Variants in ACACA observed in about 807,000 individuals in gnomAD.
The protein encoded by ACACA is acetyl-CoA carboxylase 1.
In ACACA, 103 loss-of-function variants were observed where a neutral mutation model predicts 296.1. The ratio of observed to expected loss-of-function variants is 0.35; its 90% CI spans 0.30 to 0.41. The LOEUF (loss-of-function observed/expected upper bound fraction) is 0.41. Among genes scored for constraint, ACACA ranks in the 10% least tolerant of loss-of-function variants. The pLI is 1.00. For synonymous variants in ACACA, 953 were observed against 1,038.6 expected, an observed-to-expected ratio of 0.92 and a Z score of 1.58; for missense variants, 1,554 against 2,989.7, an observed-to-expected ratio of 0.52 and a Z score of 11.20.
chr17:37,222,520 AAACTGTCAGTCC>A (rs758515917), intron 28 of ACACA, among the ~76,000 whole-genome samples: 3 of 152,248 alleles, frequency 2.0e-5, no homozygotes, highest in African/African-American at 4.8e-5. Flanking sequence ...ATCTCTGCAA[AAACTGTCAGTCC>A]AACCTCACAC....
chr17:37,280,730 AACACACACACAC>A (rs71979048), intron 5 of ACACA, among the ~76,000 whole-genome samples: 6 of 146,374 alleles, frequency 4.1e-5, no homozygotes, highest in East Asian at 2.0e-4. Context: ...TTACATAGTT[AACACACACACAC>A]ACACACACAC....
At chr17:37,329,129 A>G (rs939043848) in intron 3 of ACACA, 15 of 395,882 alleles carry the variant, frequency 3.8e-5, no homozygotes, top group Middle Eastern at 6.3e-4. Flanking sequence ...GGAGAGCTCT[A>G]TTAACAGCCC....
intron 3 of ACACA, among the ~76,000 whole-genome samples, chr17:37,302,947 TTTTCA>T (rs2083700103): frequency 6.6e-6 from 1 of 152,178 alleles, no homozygotes; most frequent in Admixed American, 6.5e-5. Context: ...TTTAAGGACA[TTTTCA>T]TTTCATTATA....
chr17:37,130,531 C>A (rs1597910280), intron 45 of ACACA, among the ~76,000 whole-genome samples: 1 of 152,024 alleles, frequency 6.6e-6, no homozygotes, highest in African/African-American at 2.4e-5. Context: ...TGTAACAAAC[C>A]TGCACGTTGT....
intron 11 of ACACA, among the ~76,000 whole-genome samples, chr17:37,262,536 A>G (rs537155893): frequency 1.3e-5 from 2 of 152,286 alleles, no homozygotes; most frequent in Admixed American, 6.5e-5. Context: ...CAACTATTCA[A>G]TTCTACCATT....
chr17:37,202,702 T>TATAA (rs2078314323), intron 33 of ACACA, among the ~76,000 whole-genome samples: 1 of 21,346 alleles, frequency 4.7e-5, no homozygotes, highest in Non-Finnish European at 9.1e-5. Flanking sequence ...TATATATATA[T>TATAA]ATATATATAT....
intron 1 of ACACA, among the ~76,000 whole-genome samples, chr17:37,355,928 G>A (rs560575081): frequency 6.6e-6 from 1 of 152,024 alleles, no homozygotes; most frequent in African/African-American, 2.4e-5. Flanking sequence ...CAACACTTTG[G>A]GAAGATGAGG....
chr17:37,336,420 G>T (rs1225194170), intron 2 of ACACA, among the ~76,000 whole-genome samples: 2 of 152,206 alleles, frequency 1.3e-5, no homozygotes, highest in African/African-American at 4.8e-5. Context: ...CTGGGAAGGT[G>T]ACCGCTTCCA....
Position 37,207,516 on chromosome 17 carries a change from G to A in ACACA, c.3851+141C>T, listed in dbSNP as rs1030234905. 1.6e-5 allele frequency: 15 copies of A among 963,158 alleles called. No individual in the cohort carries two copies. In the East Asian group the frequency reaches 2.6e-4, roughly 17 times the overall value. 59.7% of individuals were successfully genotyped at this position (963,158 alleles called of 1,614,324 possible). ...ATGCAAGGATATATACCTCTCCAAC[G>A]GCATATACAGCAAGGGTTACATCTT... On this transcript the variant is annotated intron_variant, in intron 31 of 55. Transcript: ENST00000616317.
chr17:37,297,550 C>CACT (rs1555634433), intron 3 of ACACA, among the ~76,000 whole-genome samples: 3 of 147,504 alleles, frequency 2.0e-5, no homozygotes, highest in African/African-American at 7.6e-5. Context: ...TATATATACA[C>CACT]TTTTTTTTTG....
At chr17:37,315,529 T>C (rs922352195) in intron 3 of ACACA, among the ~76,000 whole-genome samples, 2 of 152,198 alleles carry the variant, frequency 1.3e-5, no homozygotes, top group South Asian at 2.1e-4. Context: ...CAGATACCAG[T>C]TGCAAATCCC....
chr17:37,268,725 C>CTATA (rs1391160604), intron 10 of ACACA, among the ~76,000 whole-genome samples: 20 of 111,634 alleles, frequency 1.8e-4, no homozygotes, highest in African/African-American at 8.0e-4. Flanking sequence ...ATCTATCTAT[C>CTATA]TATCTATCTA....
At chr17:37,351,476 TAAAC>T (rs1163892891) in intron 1 of ACACA, among the ~76,000 whole-genome samples, 3 of 152,022 alleles carry the variant, frequency 2.0e-5, no homozygotes, top group Non-Finnish European at 4.4e-5. Flanking sequence ...AAAAAATAAA[TAAAC>T]AAATAAAATA....
At chr17:37,243,672 A>G in intron 21 of ACACA, 113 bp from the exon 22 acceptor site, 3 of 1,104,294 alleles carry the variant, frequency 2.7e-6, no homozygotes, top group East Asian at 2.4e-5. Context: ...ACCACCACTC[A>G]TATATGAAAA....
chr17:37,132,232 G>T (rs2075132829), intron 45 of ACACA, among the ~76,000 whole-genome samples: 1 of 152,200 alleles, frequency 6.6e-6, no homozygotes, highest in Admixed American at 6.5e-5. Context: ...TTTCTAACAG[G>T]CAGAGGGCAT....
At chr17:37,266,984 C>T (rs922507505) in intron 10 of ACACA, among the ~76,000 whole-genome samples, 1 of 152,158 alleles carries the variant, frequency 6.6e-6, no homozygotes, top group African/African-American at 2.4e-5. Flanking sequence ...CATTAACATC[C>T]TCCTCACCAA....
At chr17:37,280,294 G>A (rs949953560) in intron 5 of ACACA, among the ~76,000 whole-genome samples, 5 of 151,996 alleles carry the variant, frequency 3.3e-5, no homozygotes, top group African/African-American at 7.3e-5. Flanking sequence ...CTGCGACCTC[G>A]ACCTCCCGGG....
At chr17:37,400,402 G>T (rs2051241287) in intron 1 of ACACA, among the ~76,000 whole-genome samples, 1 of 152,162 alleles carries the variant, frequency 6.6e-6, no homozygotes, top group Non-Finnish European at 1.5e-5. Flanking sequence ...TTACAGGTGT[G>T]AGCCACAGTG....
chr17:37,196,440 C>CT (rs1217738370), intron 35 of ACACA, among the ~76,000 whole-genome samples: 1 of 151,612 alleles, frequency 6.6e-6, no homozygotes, highest in Non-Finnish European at 1.5e-5. Flanking sequence ...ATATGTAGAC[C>CT]TTTTTTTTAA....
Sources: allele counts gnomAD v4.1 joint callset (sites outside exome capture counted in the v4.1 genomes callset), GRCh38; gene constraint gnomAD v4.1.1; transcripts MANE v1.5; gene names NCBI Gene and HGNC (gene_info 2026-07-23, HGNC 2026-07-21).